FSTL5: variants seen among roughly 807,000 people sequenced by gnomAD.
FSTL5 encodes follistatin-related protein 5.
Under a neutral mutation model 89.1 loss-of-function variants are expected in FSTL5, and 62 were observed. The ratio of observed to expected loss-of-function variants is 0.70; its 90% CI spans 0.57 to 0.86. The LOEUF (loss-of-function observed/expected upper bound fraction) is 0.86. FSTL5 is among the 40% of genes least tolerant of loss of function. The probability of loss-of-function intolerance (pLI) is 0.00; values close to 1 mark genes in which losing one functional copy is unlikely to be tolerated. For missense variants in FSTL5, 1,057 were observed against 1,001.6 expected (o/e 1.06, Z -0.75); for synonymous variants, 383 against 346.2 (o/e 1.11, Z -1.18).
At chr4:162,115,291 G>A (rs901051362) in intron 1 of FSTL5, among the ~76,000 whole-genome samples, 5 of 152,134 alleles carry the variant, frequency 3.3e-5, no homozygotes, top group African/African-American at 9.7e-5. Flanking sequence ...TGTATGCTCA[G>A]AGAATCATGA....
At chr4:162,000,981 T>C (rs1300410842) in intron 3 of FSTL5, among the ~76,000 whole-genome samples, 7 of 152,176 alleles carry the variant, frequency 4.6e-5, no homozygotes, top group African/African-American at 1.7e-4. Context: ...TAGCATCTAA[T>C]TATGTATATG....
intron 1 of FSTL5, among the ~76,000 whole-genome samples, chr4:162,154,405 C>A (rs1733386898): frequency 6.6e-6 from 1 of 152,008 alleles, no homozygotes; most frequent in Non-Finnish European, 1.5e-5. Context: ...TGAAGTTTTT[C>A]TTTTAAAGTA....
At chr4:161,929,140 C>T (rs1265314633) in intron 3 of FSTL5, among the ~76,000 whole-genome samples, 7 of 150,520 alleles carry the variant, frequency 4.7e-5, no homozygotes, top group Admixed American at 1.3e-4. Context: ...CCCTCTGTTG[C>T]TCTCTCTCTT....
At chr4:161,891,129 A>ACC (rs1348304813) in intron 4 of FSTL5, among the ~76,000 whole-genome samples, 3 of 152,128 alleles carry the variant, frequency 2.0e-5, no homozygotes, top group Non-Finnish European at 4.4e-5. Flanking sequence ...CCAGTTGTCA[A>ACC]CTATGTATCT....
Position 161,899,986 on chromosome 4 carries a change from G to T in FSTL5, c.409+20418C>A, listed in dbSNP as rs12508924. ...AAGGCGGATGGATCACCTGAGGTCA[G>T]GGGTTCGAGAACAGCCTAGGCAACA... On this transcript the variant is annotated intron_variant, in intron 4 of 15. Coordinates refer to ENST00000306100, the MANE Select transcript of FSTL5 (RefSeq NM_020116.5). Among the ~76,000 whole-genome samples the T allele has an allele frequency of 1.5e-4, 23 of 152,090 alleles. No individual in the cohort carries two copies. In the East Asian group the frequency reaches 3.5e-3, roughly 23 times the overall value.
At chr4:161,820,034 G>T (rs1730444676) in intron 4 of FSTL5, among the ~76,000 whole-genome samples, 1 of 151,868 alleles carries the variant, frequency 6.6e-6, no homozygotes, top group African/African-American at 2.4e-5. Context: ...ATTATGCAAA[G>T]TTTTTACGTG....
At chr4:161,442,755 GT>G (rs1442420273) in intron 15 of FSTL5, among the ~76,000 whole-genome samples, 1 of 152,016 alleles carries the variant, frequency 6.6e-6, no homozygotes, top group Admixed American at 6.6e-5. Flanking sequence ...CACTCATTGT[GT>G]GCCAGGAACT....
At chr4:161,589,744 T>C (rs1052659002) in intron 7 of FSTL5, among the ~76,000 whole-genome samples, 1 of 152,114 alleles carries the variant, frequency 6.6e-6, no homozygotes, top group Non-Finnish European at 1.5e-5. Context: ...ACCTGAGGAA[T>C]GGGCTCTCCG....
chr4:161,776,171 T>C (rs775334947), intron 4 of FSTL5, 97 bp from the exon 5 acceptor site: 39 of 612,022 alleles, frequency 6.4e-5, no homozygotes, highest in Non-Finnish European at 7.5e-5. Flanking sequence ...TAACATACTA[T>C]GTACATAATT....
At chr4:161,420,071 C>G (rs1731928281) in intron 15 of FSTL5, among the ~76,000 whole-genome samples, 1 of 152,242 alleles carries the variant, frequency 6.6e-6, no homozygotes, top group African/African-American at 2.4e-5. Context: ...ATGTCTGGAA[C>G]AAAGAGGGCC....
intron 4 of FSTL5, among the ~76,000 whole-genome samples, chr4:161,914,789 T>A (rs575934934): frequency 6.6e-6 from 1 of 152,216 alleles, no homozygotes; most frequent in East Asian, 1.9e-4. Flanking sequence ...AGTCTGAAAA[T>A]TTATTATAAT....
chr4:161,666,322 T>G (rs1736891392), intron 6 of FSTL5, among the ~76,000 whole-genome samples: 1 of 152,122 alleles, frequency 6.6e-6, no homozygotes, highest in African/African-American at 2.4e-5. Context: ...ATCTATGCAA[T>G]TAGGAAAATG....
At chr4:161,984,808 A>C (rs1735917098) in intron 3 of FSTL5, among the ~76,000 whole-genome samples, 2 of 152,162 alleles carry the variant, frequency 1.3e-5, no homozygotes, top group Admixed American at 1.3e-4. Context: ...CAGTGGTACA[A>C]ATTTGGCTAT....
intron 6 of FSTL5, among the ~76,000 whole-genome samples, chr4:161,748,562 T>C (rs183985101): frequency 6.6e-6 from 1 of 151,890 alleles, no homozygotes; most frequent in Admixed American, 6.6e-5. Context: ...CTAAAGCTGT[T>C]TCACTGTTAA....
At chr4:161,471,038 T>G (rs898318699) in intron 13 of FSTL5, among the ~76,000 whole-genome samples, 5 of 152,254 alleles carry the variant, frequency 3.3e-5, no homozygotes, top group African/African-American at 1.2e-4. Context: ...ATAATTTTGC[T>G]TATTCCTTTT....
chr4:161,564,513 T>C (rs1433613717), intron 8 of FSTL5, among the ~76,000 whole-genome samples: 2 of 144,926 alleles, frequency 1.4e-5, no homozygotes, highest in Non-Finnish European at 3.1e-5. Context: ...TTTAATTAAC[T>C]CATATAATTA....
chr4:161,707,123 A>G (rs1458707730), intron 6 of FSTL5, among the ~76,000 whole-genome samples: 1 of 151,918 alleles, frequency 6.6e-6, no homozygotes, highest in Admixed American at 6.6e-5. Flanking sequence ...TTTTCTGTAA[A>G]TTAATGTTTT....
At chr4:162,138,450 C>G (rs1215745224) in intron 1 of FSTL5, among the ~76,000 whole-genome samples, 1 of 152,062 alleles carries the variant, frequency 6.6e-6, no homozygotes, top group African/African-American at 2.4e-5. Context: ...GATAAACACT[C>G]TTACCAAACT....
intron 7 of FSTL5, among the ~76,000 whole-genome samples, chr4:161,648,462 A>G (rs1158520239): frequency 1.3e-5 from 2 of 152,168 alleles, no homozygotes; most frequent in Non-Finnish European, 2.9e-5. Flanking sequence ...TCATAAGAGG[A>G]CAGAAATTAT....
Sources: allele counts gnomAD v4.1 joint callset (sites outside exome capture counted in the v4.1 genomes callset), GRCh38; gene constraint gnomAD v4.1.1; transcripts MANE v1.5; gene names NCBI Gene and HGNC (gene_info 2026-07-23, HGNC 2026-07-21).